The following RCAN1 variants were observed in gnomAD, a reference collection of about 807,000 sequenced individuals.
RCAN1 encodes the protein calcipressin-1.
Under a neutral mutation model 22.9 loss-of-function variants are expected in RCAN1, and 11 were observed. That is an observed-to-expected ratio of 0.48 (90% CI 0.30 to 0.79). The LOEUF is 0.79. RCAN1 is among the 30% of genes least tolerant of loss of function. The pLI, the probability that RCAN1 is intolerant of heterozygous loss-of-function variation, is 0.06. For missense variants in RCAN1, 291 were observed against 337.8 expected, an observed-to-expected ratio of 0.86 and a Z score of 1.09; for synonymous variants, 136 against 142.3, an observed-to-expected ratio of 0.96 and a Z score of 0.32.
intron 1 of RCAN1, among the ~76,000 whole-genome samples, chr21:34,602,964 A>G (rs1601220305): frequency 1.3e-5 from 2 of 152,174 alleles, no homozygotes; most frequent in Admixed American, 1.3e-4. Flanking sequence ...ATTCTAAACA[A>G]AGCGGGCAGC....
chr21:34,565,473 T>TG (rs377511525), intron 1 of RCAN1, among the ~76,000 whole-genome samples: 140 of 152,236 alleles, frequency 9.2e-4, no homozygotes, highest in African/African-American at 3.3e-3. Flanking sequence ...TGCCCTCAAA[T>TG]GGGGGCTACT....
rs906055207 is a variant in RCAN1, at chr21:34,615,003, G to A, written c.9C>T (p.Asp3=). ME[D]GVAGPQLGAA... ...CCCCGAGCTGGGGACCGGCCACGCC[G>A]TCCTCCATCCCCGCGCCCGCGCGAC... The change falls in exon 1 of 4, where the codon GAC becomes GAT. Residue 3 remains aspartate (D), a synonymous_variant. Transcript: ENST00000313806. 3 of 1,079,000 alleles carry A rather than the reference G, an allele frequency of 2.8e-6. No homozygotes were observed. The highest frequency in any genetic ancestry group is 3.4e-6 in the Non-Finnish European group (3 of 894,508). 66.8% of individuals were successfully genotyped at this position (1,079,000 alleles called of 1,614,324 possible).
At chr21:34,541,857 C>T (rs1301825800) in intron 1 of RCAN1, among the ~76,000 whole-genome samples, 1 of 152,082 alleles carries the variant, frequency 6.6e-6, no homozygotes, top group African/African-American at 2.4e-5. Context: ...TGGTGTGAAC[C>T]CAGGAAGTGG....
rs765229081 is a variant in RCAN1, at chr21:34,521,589, C to T, written c.496G>A (p.Ala166Thr). The part of the protein sequence containing the change: ...PDKQFLISPP[A>T]SPPVGWKQVE... ...TGTTTCCATCCCACTGGCGGAGAGG[C>T]GGGAGGGGAGATCAGAAACTGCTTG... is the stretch of plus-strand genomic sequence containing the variant. Residue 166 changes from alanine to threonine, a missense_variant, in exon 3 of 4, where the codon GCC (alanine) becomes ACC (threonine). Transcript: ENST00000313806. The T allele has an allele frequency of 1.7e-5, 27 of 1,613,980 alleles. No homozygotes were observed. Among genetic ancestry groups the T allele is most frequent in the East Asian group, 4.5e-5 (2 of 44,882 alleles).
chr21:34,519,402 T>C (rs866347386), intron 3 of RCAN1, among the ~76,000 whole-genome samples: 4,198 of 141,100 alleles, frequency 0.03, 49 homozygotes, highest in Non-Finnish European at 0.046. Context: ...TCTTTCTTTT[T>C]TTTTTTTTTT....
intron 1 of RCAN1, among the ~76,000 whole-genome samples, chr21:34,553,655 T>C (rs1986451242): frequency 2.0e-5 from 3 of 152,206 alleles, no homozygotes; most frequent in Admixed American, 2.0e-4. Flanking sequence ...CAAATCAACA[T>C]TTGGCCATAC....
At chr21:34,521,853 A>C in intron 2 of RCAN1, 195 bp from the exon 3 acceptor site, 1 of 569,848 alleles carries the variant, frequency 1.8e-6, no homozygotes, top group Non-Finnish European at 3.1e-6. Context: ...TGTGGCACAG[A>C]TAGGATGACA....
intron 1 of RCAN1, among the ~76,000 whole-genome samples, chr21:34,542,777 G>A (rs1448401920): frequency 6.6e-6 from 1 of 152,212 alleles, no homozygotes; most frequent in Non-Finnish European, 1.5e-5. Flanking sequence ...AGTAAGCAGG[G>A]TCCTTAGTGG....
chr21:34,605,919 CAGAAA>C (rs1376699728), intron 1 of RCAN1, among the ~76,000 whole-genome samples: 40 of 135,864 alleles, frequency 2.9e-4, no homozygotes, highest in East Asian at 1.3e-3. Flanking sequence ...GACTCGGTCT[CAGAAA>C]AAAAAAAAAA....
chr21:34,563,577 T>C (rs1356799780), intron 1 of RCAN1, among the ~76,000 whole-genome samples: 1 of 151,264 alleles, frequency 6.6e-6, no homozygotes, highest in Admixed American at 6.6e-5. Context: ...GTCCATGGGG[T>C]AGGGCAGTGT....
At chr21:34,599,348 G>C (rs1988261204) in intron 1 of RCAN1, among the ~76,000 whole-genome samples, 1 of 152,078 alleles carries the variant, frequency 6.6e-6, no homozygotes, top group African/African-American at 2.4e-5. Flanking sequence ...GTGGCAGGTG[G>C]CTGTAATCCC....
At chr21:34,543,797 T>C (rs1986017332) in intron 1 of RCAN1, among the ~76,000 whole-genome samples, 1 of 152,334 alleles carries the variant, frequency 6.6e-6, no homozygotes, top group South Asian at 2.1e-4. Flanking sequence ...GGGTGTCAGA[T>C]GGGCCTGGGC....
chr21:34,544,340 AG>A (rs1412953829), intron 1 of RCAN1, among the ~76,000 whole-genome samples: 3 of 152,146 alleles, frequency 2.0e-5, no homozygotes, highest in East Asian at 1.9e-4. Context: ...CTGAAGATGG[AG>A]GGGGCCATGT....
At chr21:34,557,616 C>T (rs2834539) in intron 1 of RCAN1, among the ~76,000 whole-genome samples, 32,308 of 152,154 alleles carry the variant, frequency 0.21, 3,630 homozygotes, top group African/African-American at 0.24. Flanking sequence ...GCAAGTAACA[C>T]GTGGTGGCTT....
chr21:34,549,936 G>A (rs1986303039), intron 1 of RCAN1, among the ~76,000 whole-genome samples: 1 of 152,048 alleles, frequency 6.6e-6, no homozygotes, highest in East Asian at 1.9e-4. Flanking sequence ...AAGTTCTGAG[G>A]CCCACCTTGC....
chr21:34,544,649 G>A (rs568761462), intron 1 of RCAN1, among the ~76,000 whole-genome samples: 1 of 152,262 alleles, frequency 6.6e-6, no homozygotes, highest in Admixed American at 6.5e-5. Flanking sequence ...TTGTTTGTTT[G>A]TTTGAGACAG....
At chr21:34,598,510 G>A (rs1988234289) in intron 1 of RCAN1, among the ~76,000 whole-genome samples, 1 of 152,158 alleles carries the variant, frequency 6.6e-6, no homozygotes, top group Admixed American at 6.5e-5. Context: ...GAGAAAACCA[G>A]AAATCTAACT....
chr21:34,545,028 C>T (rs1986077907), intron 1 of RCAN1, among the ~76,000 whole-genome samples: 1 of 152,270 alleles, frequency 6.6e-6, no homozygotes, highest in Admixed American at 6.5e-5. Context: ...TCCTCACCAT[C>T]AGTGGAGCGA....
chr21:34,529,964 G>A (rs148411428), intron 1 of RCAN1, among the ~76,000 whole-genome samples: 16 of 152,218 alleles, frequency 1.1e-4, no homozygotes, highest in East Asian at 7.7e-4. Context: ...CCTTGCTGCC[G>A]CCATGTAAGA....
Sources: gnomAD v4.1 joint callset for allele counts (sites outside exome capture counted in the v4.1 genomes callset) on GRCh38, gnomAD v4.1.1 for gene constraint, MANE v1.5 for transcripts, NCBI Gene and HGNC (gene_info 2026-07-23, HGNC 2026-07-21) for gene names.